KCNMA1: variants seen among roughly 807,000 people sequenced by gnomAD.
KCNMA1 encodes potassium calcium-activated channel subfamily M alpha 1, also known as Calcium-activated potassium channel subunit alpha-1.
A neutral mutation model predicts 140.0 loss-of-function variants in KCNMA1; 29 were observed. That is an observed-to-expected ratio of 0.21 (90% CI 0.15 to 0.28). The LOEUF (loss-of-function observed/expected upper bound fraction) is 0.28. Ranked by LOEUF, KCNMA1 falls within the 10% of genes least tolerant of loss-of-function variation. The probability of loss-of-function intolerance (pLI) is 1.00; values close to 1 mark genes in which losing one functional copy is unlikely to be tolerated. For missense variants in KCNMA1, 880 were observed against 1,602.2 expected (o/e 0.55, Z 7.70); for synonymous variants, 612 against 611.9 (o/e 1.00, Z 0.00).
intron 1 of KCNMA1, among the ~76,000 whole-genome samples, chr10:77,610,760 C>G (rs1370734701): frequency 6.6e-6 from 1 of 152,186 alleles, no homozygotes; most frequent in Non-Finnish European, 1.5e-5. Context: ...CTTAATGGTA[C>G]AGGACTTCCT....
chr10:77,326,765 A>G (rs1422020857), intron 2 of KCNMA1, among the ~76,000 whole-genome samples: 1 of 152,062 alleles, frequency 6.6e-6, no homozygotes, highest in African/African-American at 2.4e-5. Flanking sequence ...CATTGGATTC[A>G]AAGTCAAATG....
Position 76,947,998 on chromosome 10 carries a change from T to G in KCNMA1, c.2709+1144A>C, listed in dbSNP as rs199970435. Among the ~76,000 whole-genome samples, 295 of 60,126 alleles carry G rather than the reference T, an allele frequency of 4.9e-3. 1 individual carries two copies. The highest frequency in any genetic ancestry group is 0.027 in the African/African-American group (280 of 10,204). The allele number at this position is 60,126 out of a possible 152,430, so 39.4% of individuals were successfully genotyped here. A position where few individuals can be genotyped will look rare whatever the true frequency, so the allele number is the denominator to read the frequency against. ...GAGAAATCCATGTTCCTCAGTTGTTTCTTGTTTTGTTTTTGTTTTTGTTTG... is the reference window on the plus strand; with the variant it reads ...GAGAAATCCATGTTCCTCAGTTGTTGCTTGTTTTGTTTTTGTTTTTGTTTG... On this transcript the variant is annotated intron_variant, in intron 22 of 27. Transcript: ENST00000286628.
At chr10:77,315,531 A>C (rs2154349079) in intron 2 of KCNMA1, 1 of 152,356 alleles carries the variant, frequency 6.6e-6, no homozygotes, top group Admixed American at 6.5e-5. Flanking sequence ...CCCCCAACCC[A>C]ACTTGGAAGA....
At chr10:77,438,664 C>T (rs2097313886) in intron 1 of KCNMA1, among the ~76,000 whole-genome samples, 1 of 152,060 alleles carries the variant, frequency 6.6e-6, no homozygotes, top group African/African-American at 2.4e-5. Flanking sequence ...GAAACTGAGG[C>T]TCAGAGACAT....
At chr10:77,140,940 C>T (rs185046633) in intron 5 of KCNMA1, among the ~76,000 whole-genome samples, 17 of 152,216 alleles carry the variant, frequency 1.1e-4, no homozygotes, top group Admixed American at 9.8e-4. Context: ...GTGAGAGAGG[C>T]TGCAGTTTGG....
At chr10:77,410,582 A>G (rs1209833266) in intron 1 of KCNMA1, among the ~76,000 whole-genome samples, 2 of 152,210 alleles carry the variant, frequency 1.3e-5, no homozygotes, top group Non-Finnish European at 2.9e-5. Context: ...TGTAACTGAA[A>G]TCATGTCACT....
At chr10:77,384,511 G>A (rs2095536418) in intron 2 of KCNMA1, among the ~76,000 whole-genome samples, 1 of 152,156 alleles carries the variant, frequency 6.6e-6, no homozygotes, top group Non-Finnish European at 1.5e-5. Context: ...CATCAAAGAG[G>A]GAATGATGAC....
chr10:77,483,848 C>T (rs1033498995), intron 1 of KCNMA1, among the ~76,000 whole-genome samples: 6 of 152,212 alleles, frequency 3.9e-5, no homozygotes, highest in Non-Finnish European at 7.3e-5. Flanking sequence ...GTCGCCCAAG[C>T]AATTCTCATC....
At chr10:77,251,494 G>A (rs1014480361) in intron 2 of KCNMA1, among the ~76,000 whole-genome samples, 1 of 152,096 alleles carries the variant, frequency 6.6e-6, no homozygotes, top group Non-Finnish European at 1.5e-5. Flanking sequence ...TATGTCTCAG[G>A]GCACTGGGTT....
At chr10:76,969,314 G>A (rs918015392) in intron 20 of KCNMA1, among the ~76,000 whole-genome samples, 3 of 150,704 alleles carry the variant, frequency 2.0e-5, no homozygotes, top group Non-Finnish European at 4.4e-5. Context: ...AGGAAGGAAG[G>A]AAGGAAGGAA....
intron 2 of KCNMA1, among the ~76,000 whole-genome samples, chr10:77,286,804 C>G (rs1168220946): frequency 6.7e-6 from 1 of 150,044 alleles, no homozygotes; most frequent in Admixed American, 6.7e-5. Flanking sequence ...CTTTATGCAT[C>G]CTCATTTATA....
At chr10:77,324,037 A>G (rs185428060) in intron 2 of KCNMA1, among the ~76,000 whole-genome samples, 1 of 152,350 alleles carries the variant, frequency 6.6e-6, no homozygotes, top group African/African-American at 2.4e-5. Flanking sequence ...AAGAAGTTAT[A>G]TCTTCTGTGG....
intron 14 of KCNMA1, among the ~76,000 whole-genome samples, chr10:77,052,600 T>TGGTCCACAGGATGA (rs2095409083): frequency 1.4e-5 from 2 of 146,374 alleles, no homozygotes; most frequent in South Asian, 4.5e-4. Flanking sequence ...AGCATATCCT[T>TGGTCCACAGGATGA]GGTCCACAGG....
chr10:77,222,798 T>A (rs780006081), intron 3 of KCNMA1, among the ~76,000 whole-genome samples: 1 of 152,238 alleles, frequency 6.6e-6, no homozygotes. Flanking sequence ...AGCTTTATTA[T>A]CTGAGACAGG....
intron 1 of KCNMA1, among the ~76,000 whole-genome samples, chr10:77,544,174 GT>G (rs2060875443): frequency 6.6e-6 from 1 of 151,754 alleles, no homozygotes; most frequent in Non-Finnish European, 1.5e-5. Flanking sequence ...GTGTGTGTGT[GT>G]GTGTGTGTGT....
intron 2 of KCNMA1, among the ~76,000 whole-genome samples, chr10:77,367,535 G>A (rs1036007157): frequency 2.6e-5 from 4 of 152,080 alleles, no homozygotes; most frequent in Non-Finnish European, 4.4e-5. Flanking sequence ...ATAAGAATCT[G>A]CACTTTTCAA....
chr10:77,032,460 CAG>C (rs1210701388), intron 15 of KCNMA1, among the ~76,000 whole-genome samples: 6 of 152,116 alleles, frequency 3.9e-5, no homozygotes, highest in Non-Finnish European at 7.4e-5. Context: ...GGGATAAAAT[CAG>C]CCATAAGCTA....
chr10:77,423,374 A>G (rs991465703), intron 1 of KCNMA1, among the ~76,000 whole-genome samples: 1 of 152,202 alleles, frequency 6.6e-6, no homozygotes, highest in Non-Finnish European at 1.5e-5. Context: ...ACCTTCTCTA[A>G]TCGACATAGA....
chr10:77,329,908 T>C (rs2085697233), intron 2 of KCNMA1, among the ~76,000 whole-genome samples: 1 of 152,190 alleles, frequency 6.6e-6, no homozygotes, highest in Non-Finnish European at 1.5e-5. Context: ...TTATAAAAAT[T>C]AAATGAGATA....
Sources: gnomAD v4.1 joint callset for allele counts (sites outside exome capture counted in the v4.1 genomes callset) on GRCh38, gnomAD v4.1.1 for gene constraint, MANE v1.5 for transcripts, NCBI Gene and HGNC (gene_info 2026-07-23, HGNC 2026-07-21) for gene names.